The following GABRG3 variants were observed in gnomAD, a reference collection of about 807,000 sequenced individuals.
GABRG3 encodes the protein gamma-aminobutyric acid type A receptor subunit gamma3.
Under a neutral mutation model 48.8 loss-of-function variants are expected in GABRG3, and 25 were observed. The observed-to-expected ratio is 0.51, with a 90% confidence interval of 0.37 to 0.72. The LOEUF (loss-of-function observed/expected upper bound fraction) is 0.72. Ranked by LOEUF, GABRG3 falls within the 30% of genes least tolerant of loss-of-function variation. The pLI, the probability that GABRG3 is intolerant of heterozygous loss-of-function variation, is 0.00. For missense variants in GABRG3, 394 were observed against 577.9 expected, an observed-to-expected ratio of 0.68 and a Z score of 3.26; for synonymous variants, 227 against 217.6, an observed-to-expected ratio of 1.04 and a Z score of -0.38.
intron 3 of GABRG3, among the ~76,000 whole-genome samples, chr15:27,187,765 T>C (rs1595573561): frequency 6.6e-6 from 1 of 152,158 alleles, no homozygotes; most frequent in East Asian, 1.9e-4. Flanking sequence ...TTAGGGTACA[T>C]GTGCACAATG....
chr15:27,286,351 T>C (rs1891611338), intron 3 of GABRG3, among the ~76,000 whole-genome samples: 1 of 152,208 alleles, frequency 6.6e-6, no homozygotes, highest in African/African-American at 2.4e-5. Context: ...CCATTTTCTT[T>C]TTCCACGGCT....
At position 27,045,284 on chromosome 15, in the gene GABRG3, C is replaced by T. The variant is rs147027735; in HGVS notation, c.270+18463C>T. ...TGATTTCAGGTTGTCCTGAACAGGA[C>T]GGAGTGGCAGGTGCAAAGGCCTCGT... On this transcript the variant is annotated intron_variant, in intron 3 of 9. Coordinates refer to ENST00000615808, the MANE Select transcript of GABRG3 (RefSeq NM_033223.5). Among the ~76,000 whole-genome samples the T allele has an allele frequency of 2.8e-3, 432 of 152,296 alleles. 2 individuals carry two copies. Among genetic ancestry groups the T allele is most frequent in the African/African-American group, 9.6e-3 (401 of 41,558 alleles).
intron 6 of GABRG3, among the ~76,000 whole-genome samples, chr15:27,494,236 ATAT>A (rs147944240): frequency 0.015 from 2,283 of 152,088 alleles, 64 homozygotes; most frequent in African/African-American, 0.052. Flanking sequence ...AATATTGTTA[ATAT>A]TATTAACAAT....
intron 6 of GABRG3, among the ~76,000 whole-genome samples, chr15:27,486,765 T>G (rs888445032): frequency 6.6e-6 from 1 of 152,184 alleles, no homozygotes; most frequent in African/African-American, 2.4e-5. Context: ...AGTACATAAT[T>G]GCAATATATA....
chr15:27,351,537 G>T (rs1313457955), intron 5 of GABRG3, among the ~76,000 whole-genome samples: 1 of 130,742 alleles, frequency 7.6e-6, no homozygotes, highest in African/African-American at 2.9e-5. Context: ...TGTGTGTGTT[G>T]GTGTGTGTAT....
rs544201426 is a variant in GABRG3 at position 27,320,289 on chromosome 15, C to T, written c.271-6520C>T. Among the ~76,000 whole-genome samples the T allele has an allele frequency of 6.6e-5, 10 of 152,306 alleles. No homozygotes were observed. The East Asian group carries it at 1.9e-3, about 29-fold the overall frequency. On this transcript the variant is annotated intron_variant, in intron 3 of 9. Coordinates refer to ENST00000615808, the MANE Select transcript of GABRG3 (RefSeq NM_033223.5). ...CCTTTTATTAAGGGCAGGTGATTATCACCCGGCTAAGGGGATGCTTTCCAA... is the reference window on the plus strand; with the variant it reads ...CCTTTTATTAAGGGCAGGTGATTATTACCCGGCTAAGGGGATGCTTTCCAA...
At chr15:26,987,478 G>A (rs917998898) in intron 2 of GABRG3, among the ~76,000 whole-genome samples, 1 of 152,028 alleles carries the variant, frequency 6.6e-6, no homozygotes, top group Non-Finnish European at 1.5e-5. Flanking sequence ...TCAGATTATC[G>A]TTCTCATAAT....
chr15:27,264,566 A>G (rs1800711989), intron 3 of GABRG3, among the ~76,000 whole-genome samples: 1 of 151,740 alleles, frequency 6.6e-6, no homozygotes, highest in Non-Finnish European at 1.5e-5. Flanking sequence ...ACACCAACCT[A>G]AAAATCACAT....
intron 7 of GABRG3, among the ~76,000 whole-genome samples, chr15:27,520,858 C>T (rs1016286601): frequency 2.9e-5 from 4 of 138,936 alleles, no homozygotes; most frequent in Non-Finnish European, 4.6e-5. Flanking sequence ...CAACATCTCT[C>T]ATATTTGCAT....
intron 3 of GABRG3, among the ~76,000 whole-genome samples, chr15:27,032,032 C>T (rs1175291001): frequency 6.6e-6 from 1 of 152,186 alleles, no homozygotes; most frequent in African/African-American, 2.4e-5. Flanking sequence ...TAGGACTCTG[C>T]TCATGTGAAG....
At chr15:27,063,753 G>A (rs1000346418) in intron 3 of GABRG3, among the ~76,000 whole-genome samples, 1 of 152,200 alleles carries the variant, frequency 6.6e-6, no homozygotes, top group African/African-American at 2.4e-5. Context: ...TTGCCCTGCA[G>A]CCTGGCGTCA....
At position 26,977,025 on chromosome 15, in the gene GABRG3, A is replaced by T. The variant is rs780128645; in HGVS notation, c.77A>T (p.Glu26Val). ...HARSRKVEEDEYEDSSSNQKW... is the reference protein window; with the variant it reads ...HARSRKVEEDVYEDSSSNQKW... Reference sequence around the variant, plus strand: ...AGGTCCAGAAAGGTGGAAGAGGATGAATATGAAGATTCATCATCAAACCAA... The same window carrying T: ...AGGTCCAGAAAGGTGGAAGAGGATGTATATGAAGATTCATCATCAAACCAA... Residue 26 changes from glutamate (E) to valine (V), a missense_variant, in exon 2 of 10, where the codon GAA (glutamate) becomes GTA (valine). Physicochemically the swap from Glu to Val is moderately radical, Grantham distance 121 (BLOSUM62 -2). This residue lies in a region of GABRG3 where 218 missense variants were observed against 309.9 expected (regional missense o/e 0.70). Coordinates refer to ENST00000615808, the MANE Select transcript of GABRG3 (RefSeq NM_033223.5). 6.2e-7 allele frequency: 1 copy of T among 1,613,958 alleles called. No individual in the cohort carries two copies.
At chr15:27,266,534 C>T (rs550040967) in intron 3 of GABRG3, among the ~76,000 whole-genome samples, 1 of 152,108 alleles carries the variant, frequency 6.6e-6, no homozygotes, top group Admixed American at 6.5e-5. Context: ...GCTTTGCATT[C>T]CTACAAAAAT....
chr15:27,442,518 A>AG (rs1479380028), intron 5 of GABRG3, among the ~76,000 whole-genome samples: 1 of 152,184 alleles, frequency 6.6e-6, no homozygotes, highest in African/African-American at 2.4e-5. Context: ...AACCCACCAA[A>AG]GGTGCCCAGC....
chr15:27,003,368 G>C (rs1001883779), intron 2 of GABRG3, among the ~76,000 whole-genome samples: 12 of 151,420 alleles, frequency 7.9e-5, no homozygotes, highest in African/African-American at 2.9e-4. Context: ...AGGTCCCTGC[G>C]GCCTTCCGCA....
At chr15:27,487,221 G>A (rs1890242392) in intron 6 of GABRG3, among the ~76,000 whole-genome samples, 1 of 152,164 alleles carries the variant, frequency 6.6e-6, no homozygotes, top group South Asian at 2.1e-4. Flanking sequence ...TAAGAAAATT[G>A]AAATCCTGTG....
At position 27,532,828 on chromosome 15, in the gene GABRG3, A is replaced by G; in HGVS notation, c.1351A>G (p.Thr451Ala). ...CTCGTACTCCCGGGTCTTTTTCCCC[A>G]CGTCCTTCCTGCTCTTTAACCTGGT... ...LDSYSRVFFPTSFLLFNLVYW... is the reference protein window; with the variant it reads ...LDSYSRVFFPASFLLFNLVYW... Residue 451 changes from threonine (T) to alanine (A), a missense_variant, in exon 10 of 10, where the codon ACG becomes GCG. Transcript: ENST00000615808. The G allele has an allele frequency of 6.2e-7, 1 of 1,613,998 alleles. No homozygotes were observed. The highest frequency in any genetic ancestry group is 8.5e-7 in the Non-Finnish European group (1 of 1,179,884).
intron 5 of GABRG3, among the ~76,000 whole-genome samples, chr15:27,376,645 C>A (rs1317785111): frequency 6.6e-6 from 1 of 152,108 alleles, no homozygotes; most frequent in African/African-American, 2.4e-5. Flanking sequence ...TTATGTTGGC[C>A]CCTTTCAGCC....
intron 5 of GABRG3, among the ~76,000 whole-genome samples, chr15:27,403,866 C>T (rs1403621294): frequency 1.5e-5 from 2 of 133,874 alleles, no homozygotes; most frequent in Non-Finnish European, 3.1e-5. Flanking sequence ...GAGCCGAGAT[C>T]GCACCGCTGC....
Sources: allele counts gnomAD v4.1 joint callset (sites outside exome capture counted in the v4.1 genomes callset), GRCh38; gene constraint gnomAD v4.1.1; regional missense constraint gnomAD v4.1.1; transcripts MANE v1.5; gene names NCBI Gene and HGNC (gene_info 2026-07-23, HGNC 2026-07-21).